Variants in PDE4D observed in about 807,000 individuals in gnomAD.
PDE4D encodes 3',5'-cyclic-AMP phosphodiesterase 4D.
A neutral mutation model predicts 87.4 loss-of-function variants in PDE4D; 24 were observed. The ratio of observed to expected loss-of-function variants is 0.27; its 90% CI spans 0.20 to 0.39. The LOEUF (loss-of-function observed/expected upper bound fraction) is 0.39. Ranked by LOEUF, PDE4D falls within the 10% of genes least tolerant of loss-of-function variation. The pLI, the probability that PDE4D is intolerant of heterozygous loss-of-function variation, is 1.00. For missense variants in PDE4D, 714 were observed against 1,041.0 expected (o/e 0.69, Z 4.32); for synonymous variants, 384 against 383.2 (o/e 1.00, Z -0.02).
chr5:59,233,486 C>T (rs1009683749), intron 1 of PDE4D, among the ~76,000 whole-genome samples: 1 of 152,122 alleles, frequency 6.6e-6, no homozygotes, highest in Non-Finnish European at 1.5e-5. Flanking sequence ...TTCACTGTTG[C>T]CTAGCTCATT....
chr5:59,319,270 T>C (rs1287239814), intron 1 of PDE4D, among the ~76,000 whole-genome samples: 3 of 151,850 alleles, frequency 2.0e-5, no homozygotes, highest in Non-Finnish European at 4.4e-5. Context: ...AATAAAATAG[T>C]TTGAGGTTGA....
intron 1 of PDE4D, among the ~76,000 whole-genome samples, chr5:59,687,712 A>G (rs541468402): frequency 9.8e-5 from 15 of 152,306 alleles, no homozygotes; most frequent in Admixed American, 3.9e-4. Context: ...AAATTCACAC[A>G]TAACAATATT....
chr5:59,325,270 C>G (rs1048951370), intron 1 of PDE4D, among the ~76,000 whole-genome samples: 11 of 152,134 alleles, frequency 7.2e-5, no homozygotes, highest in African/African-American at 2.7e-4. Flanking sequence ...AAACTCTGAT[C>G]AAAGATCCAA....
At chr5:59,720,368 T>C (rs1755656859) in intron 1 of PDE4D, among the ~76,000 whole-genome samples, 1 of 152,150 alleles carries the variant, frequency 6.6e-6, no homozygotes, top group Admixed American at 6.6e-5. Flanking sequence ...TGTCTTGAAC[T>C]CCTGGACTCA....
chr5:59,038,747 A>C (rs1759019649), intron 6 of PDE4D, 112 bp downstream of exon 6: 2 of 1,022,554 alleles, frequency 2.0e-6, no homozygotes, highest in Non-Finnish European at 2.7e-6. Flanking sequence ...GCCAACATGC[A>C]GTAAGCCTAA....
chr5:59,249,905 G>A (rs1168231846), intron 1 of PDE4D, among the ~76,000 whole-genome samples: 1 of 151,982 alleles, frequency 6.6e-6, no homozygotes, highest in Non-Finnish European at 1.5e-5. Context: ...CACCCAGGGT[G>A]GAGTGCAGTG....
intron 2 of PDE4D, among the ~76,000 whole-genome samples, chr5:60,026,931 C>A (rs576285465): frequency 6.6e-6 from 1 of 152,152 alleles, no homozygotes; most frequent in Non-Finnish European, 1.5e-5. Flanking sequence ...CCTTTACACA[C>A]GCAAATTTTT....
At chr5:59,533,896 A>C (rs992934070) in intron 1 of PDE4D, among the ~76,000 whole-genome samples, 5 of 152,196 alleles carry the variant, frequency 3.3e-5, no homozygotes, top group African/African-American at 1.2e-4. Flanking sequence ...ATTGCTTTTT[A>C]AAAGGTGAAA....
At chr5:60,447,275 C>T (rs1183725233) in intron 1 of PDE4D, among the ~76,000 whole-genome samples, 1 of 152,104 alleles carries the variant, frequency 6.6e-6, no homozygotes, top group Non-Finnish European at 1.5e-5. Context: ...TCAATAAAAC[C>T]ATATCACATG....
At chr5:58,979,734 C>G (rs1744649612) in intron 11 of PDE4D, among the ~76,000 whole-genome samples, 1 of 152,130 alleles carries the variant, frequency 6.6e-6, no homozygotes, top group Admixed American at 6.5e-5. Context: ...TCTTAATTAC[C>G]AGATGAAACT....
At chr5:59,808,216 C>T (rs1767958696) in intron 1 of PDE4D, among the ~76,000 whole-genome samples, 1 of 152,212 alleles carries the variant, frequency 6.6e-6, no homozygotes, top group South Asian at 2.1e-4. Context: ...TTCCTCAGCC[C>T]AGTGACATCC....
intron 1 of PDE4D, among the ~76,000 whole-genome samples, chr5:59,729,319 G>C (rs748148164): frequency 5.9e-5 from 9 of 152,076 alleles, no homozygotes; most frequent in Non-Finnish European, 1.2e-4. Context: ...TCTTCTCCTT[G>C]AGAAAGTTTG....
chr5:60,238,734 C>A (rs1746720460), intron 1 of PDE4D, among the ~76,000 whole-genome samples: 1 of 151,932 alleles, frequency 6.6e-6, no homozygotes, highest in Non-Finnish European at 1.5e-5. Context: ...TTCCTTCATA[C>A]AAAATGCATA....
chr5:60,102,287 G>A (rs1012076438), intron 2 of PDE4D, among the ~76,000 whole-genome samples: 1 of 151,772 alleles, frequency 6.6e-6, no homozygotes, highest in Non-Finnish European at 1.5e-5. Context: ...TCAATACAGT[G>A]GGTACATGTG....
intron 1 of PDE4D, among the ~76,000 whole-genome samples, chr5:59,542,589 A>C (rs1240967901): frequency 6.6e-6 from 1 of 152,172 alleles, no homozygotes; most frequent in African/African-American, 2.4e-5. Context: ...GTATTTTAAG[A>C]ATTACAAAAT....
intron 2 of PDE4D, among the ~76,000 whole-genome samples, chr5:60,076,214 A>G (rs578134868): frequency 1.3e-3 from 192 of 151,184 alleles, no homozygotes; most frequent in African/African-American, 4.4e-3. Context: ...TCTGGAGTGC[A>G]GTGGTGCAGT....
In PDE4D at chr5:59,586,078, C is replaced by T. The variant is rs572885173; in HGVS notation, c.455+307090G>A. On this transcript the variant is annotated intron_variant, in intron 1 of 14. Coordinates refer to ENST00000340635, the MANE Select transcript of PDE4D (RefSeq NM_001104631.2). ...TTGCCATTCTCAAAGTTTTTTTCTT[C>T]CTCCATGAAATATTAGCAATTTAAA... Among the ~76,000 whole-genome samples, 13 of 152,274 alleles carry T rather than the reference C, an allele frequency of 8.5e-5. No individual in the cohort carries two copies. In the East Asian group the frequency reaches 1.9e-3, roughly 23 times the overall value.
In PDE4D at chr5:58,973,566, T is replaced by G. The variant is rs979452973; in HGVS notation, c.*1098A>C. The G allele has an allele frequency of 6.6e-6, 1 of 152,622 alleles. No individual in the cohort carries two copies. Among genetic ancestry groups the G allele is most frequent in the African/African-American group, 2.4e-5 (1 of 41,462 alleles). The allele number at this position is 152,622 out of a possible 1,614,324, so 9.5% of individuals were successfully genotyped here. On this transcript the variant is annotated 3_prime_UTR_variant, in exon 15 of 15. Coordinates refer to ENST00000340635, the MANE Select transcript of PDE4D (RefSeq NM_001104631.2). ...AGGAGATACTAAGTAGGAAAACATC[T>G]AAAAAAGACTGACCATTTTAGCTAC...
intron 1 of PDE4D, among the ~76,000 whole-genome samples, chr5:60,247,943 T>C (rs1356434608): frequency 6.6e-6 from 1 of 151,994 alleles, no homozygotes; most frequent in African/African-American, 2.4e-5. Context: ...AATCATAGTA[T>C]AGAAGAAATA....
Sources: allele counts gnomAD v4.1 joint callset (sites outside exome capture counted in the v4.1 genomes callset), GRCh38; gene constraint gnomAD v4.1.1; transcripts MANE v1.5; gene names NCBI Gene and HGNC (gene_info 2026-07-23, HGNC 2026-07-21).